The following DLG2 variants were observed in gnomAD, a reference collection of about 807,000 sequenced individuals.
The protein encoded by DLG2 is discs large MAGUK scaffold protein 2.
A neutral mutation model predicts 132.5 loss-of-function variants in DLG2; 45 were observed. That is an observed-to-expected ratio of 0.34 (90% CI 0.27 to 0.44). The LOEUF (loss-of-function observed/expected upper bound fraction) is 0.44, where lower values mean the gene tolerates loss of function less well. Among genes scored for constraint, DLG2 ranks in the 20% least tolerant of loss-of-function variants. The pLI is 1.00. For synonymous variants in DLG2, 424 were observed against 419.6 expected (o/e 1.01, Z -0.13); for missense variants, 1,045 against 1,196.9 (o/e 0.87, Z 1.87).
At position 85,222,488 on chromosome 11, in the gene DLG2, T is replaced by C. The variant is rs555516950; in HGVS notation, c.186+62732A>G. Among the ~76,000 whole-genome samples the C allele has an allele frequency of 1.3e-4, 20 of 152,300 alleles. No homozygotes were observed. The South Asian group carries it at 2.5e-3, about 19-fold the overall frequency. On this transcript the variant is annotated intron_variant, in intron 4 of 27. Coordinates refer to ENST00000376104, the MANE Select transcript of DLG2 (RefSeq NM_001142699.3). Reference sequence around the variant, plus strand: ...TAACTAACAATTATTAAGTGCTTATTATGAGCCAGTTACTATTCTAAGCAT... The same window carrying C: ...TAACTAACAATTATTAAGTGCTTATCATGAGCCAGTTACTATTCTAAGCAT...
chr11:85,603,862 G>A (rs924855465), intron 2 of DLG2, among the ~76,000 whole-genome samples: 6 of 152,104 alleles, frequency 3.9e-5, no homozygotes, highest in Non-Finnish European at 5.9e-5. Context: ...GGCTTCAGTG[G>A]GCCACCATCC....
intron 3 of DLG2, among the ~76,000 whole-genome samples, chr11:85,500,489 T>C (rs1476762229): frequency 1.4e-5 from 2 of 142,678 alleles, no homozygotes; most frequent in Admixed American, 6.7e-5. Context: ...CATGTATACA[T>C]ATGTAACTAA....
At chr11:84,435,579 T>C (rs146315960) in intron 7 of DLG2, among the ~76,000 whole-genome samples, 8 of 152,194 alleles carry the variant, frequency 5.3e-5, no homozygotes, top group Non-Finnish European at 1.2e-4. Flanking sequence ...AGTTCTCTAA[T>C]GTAGATTTCC....
intron 3 of DLG2, among the ~76,000 whole-genome samples, chr11:85,519,835 TG>T (rs2074136419): frequency 2.6e-5 from 4 of 152,054 alleles, no homozygotes. Flanking sequence ...TGAGACCTGA[TG>T]GTTATTATAA....
chr11:83,952,171 C>A (rs1289320170), intron 14 of DLG2, among the ~76,000 whole-genome samples: 1 of 152,064 alleles, frequency 6.6e-6, no homozygotes, highest in African/African-American at 2.4e-5. Flanking sequence ...CATGGTGAAA[C>A]CCTGTCTCTA....
intron 4 of DLG2, among the ~76,000 whole-genome samples, chr11:85,217,727 T>A (rs1434549717): frequency 6.6e-6 from 1 of 152,216 alleles, no homozygotes; most frequent in East Asian, 1.9e-4. Context: ...CTCTCCTGAT[T>A]CCGTCCCTTT....
chr11:84,120,134 T>C (rs540207747), intron 9 of DLG2, among the ~76,000 whole-genome samples: 2 of 152,296 alleles, frequency 1.3e-5, no homozygotes, highest in African/African-American at 2.4e-5. Context: ...CTCAAAAAAG[T>C]AGATAATTCT....
At chr11:84,141,117 A>G (rs564713744) in intron 9 of DLG2, among the ~76,000 whole-genome samples, 3 of 152,270 alleles carry the variant, frequency 2.0e-5, no homozygotes, top group African/African-American at 7.2e-5. Context: ...ACTTACTGTT[A>G]CACTGCCACT....
intron 2 of DLG2, among the ~76,000 whole-genome samples, chr11:85,607,713 A>C (rs1052473520): frequency 2.6e-5 from 4 of 152,224 alleles, no homozygotes; most frequent in African/African-American, 9.6e-5. Context: ...TCCTCAGACA[A>C]GCAGGCCTAA....
At chr11:84,683,493 A>G (rs990177299) in intron 6 of DLG2, among the ~76,000 whole-genome samples, 3 of 152,192 alleles carry the variant, frequency 2.0e-5, no homozygotes, top group Non-Finnish European at 4.4e-5. Context: ...ACCAAGTACT[A>G]TAAGTTTTCA....
chr11:83,980,382 T>G, intron 12 of DLG2, 124 bp downstream of exon 12: 1 of 1,051,484 alleles, frequency 9.5e-7, no homozygotes, highest in Non-Finnish European at 1.3e-6. Context: ...AATAGATTTC[T>G]GCCATTTTAA....
At chr11:84,327,732 G>A (rs1055170766) in intron 7 of DLG2, among the ~76,000 whole-genome samples, 2 of 152,068 alleles carry the variant, frequency 1.3e-5, no homozygotes, top group South Asian at 4.1e-4. Flanking sequence ...AGAACTTTAT[G>A]TTTTTGATTT....
chr11:84,756,246 A>C (rs1026862894), intron 6 of DLG2, among the ~76,000 whole-genome samples: 3 of 152,320 alleles, frequency 2.0e-5, no homozygotes, highest in East Asian at 1.9e-4. Flanking sequence ...GCAGCGTAGG[A>C]GAAAGAAGCA....
At chr11:84,969,473 G>GA (rs2053772628) in intron 6 of DLG2, among the ~76,000 whole-genome samples, 1 of 152,132 alleles carries the variant, frequency 6.6e-6, no homozygotes, top group Admixed American at 6.6e-5. Flanking sequence ...AAATTCCAGA[G>GA]AAAAATCTTT....
chr11:85,401,087 C>A (rs955453396), intron 3 of DLG2, among the ~76,000 whole-genome samples: 4 of 152,004 alleles, frequency 2.6e-5, no homozygotes, highest in African/African-American at 7.2e-5. Context: ...TGAAAATCCT[C>A]TATAAAATAC....
intron 4 of DLG2, among the ~76,000 whole-genome samples, chr11:85,159,668 CA>C (rs2152470205): frequency 6.6e-6 from 1 of 152,296 alleles, no homozygotes; most frequent in East Asian, 1.9e-4. Flanking sequence ...ATTGCTTGAG[CA>C]AATTAACTCC....
intron 6 of DLG2, among the ~76,000 whole-genome samples, chr11:84,986,851 C>A (rs1262342397): frequency 1.3e-5 from 2 of 152,124 alleles, no homozygotes; most frequent in African/African-American, 4.8e-5. Flanking sequence ...AGAACTAGAA[C>A]AAGACAAGGA....
chr11:85,114,258 A>C (rs922127080), intron 5 of DLG2, among the ~76,000 whole-genome samples: 5 of 151,958 alleles, frequency 3.3e-5, no homozygotes, highest in Admixed American at 3.3e-4. Context: ...AAAGAGTAGG[A>C]GGTCAGCTCC....
intron 7 of DLG2, among the ~76,000 whole-genome samples, chr11:84,452,873 C>A (rs891830770): frequency 2.0e-5 from 3 of 151,242 alleles, no homozygotes; most frequent in African/African-American, 7.3e-5. Context: ...GTAGCAAGAC[C>A]CCATCTCCAA....
Sources: gnomAD v4.1 joint callset for allele counts (sites outside exome capture counted in the v4.1 genomes callset) on GRCh38, gnomAD v4.1.1 for gene constraint, MANE v1.5 for transcripts, NCBI Gene and HGNC (gene_info 2026-07-23, HGNC 2026-07-21) for gene names.